The following BMP6 variants were observed in gnomAD, a reference collection of about 807,000 sequenced individuals.
BMP6 encodes bone morphogenetic protein 6.
In BMP6, 17 loss-of-function variants were observed where a neutral mutation model predicts 54.1. The ratio of observed to expected loss-of-function variants is 0.31; its 90% CI spans 0.22 to 0.47. BMP6 has a LOEUF of 0.47. Among genes scored for constraint, BMP6 ranks in the 20% least tolerant of loss-of-function variants. BMP6 has a pLI of 1.00. For missense variants in BMP6, 720 were observed against 690.4 expected (o/e 1.04, Z -0.48); for synonymous variants, 328 against 291.2 (o/e 1.13, Z -1.28).
At chr6:7,874,365 G>A (rs56170617) in intron 4 of BMP6, among the ~76,000 whole-genome samples, 11,935 of 152,218 alleles carry the variant, frequency 0.078, 629 homozygotes, top group East Asian at 0.12. Flanking sequence ...CTTCCTCAGG[G>A]CCTTCACATT....
Position 7,880,092 on chromosome 6 carries a change from G to T in BMP6, c.1383G>T (p.Val461=), listed in dbSNP as rs142355450. 1.9e-6 allele frequency: 3 copies of T among 1,614,060 alleles called. No individual in the cohort carries two copies. In the African/African-American group the frequency reaches 4.0e-5, roughly 22 times the overall value. The part of the protein sequence containing the change: ...AHMNATNHAI[V]QTLVHLMNPE... ...TGAATGCAACCAACCACGCGATTGT[G>T]CAGACCTTGGTGAGCTCTCGGAGAC... The change falls in exon 6 of 7, where the codon GTG becomes GTT. Residue 461 remains valine (V), a synonymous_variant. Coordinates refer to ENST00000283147, the MANE Select transcript of BMP6 (RefSeq NM_001718.6).
At chr6:7,755,821 G>A (rs1757506936) in intron 1 of BMP6, among the ~76,000 whole-genome samples, 2 of 152,062 alleles carry the variant, frequency 1.3e-5, no homozygotes, top group Non-Finnish European at 2.9e-5. Flanking sequence ...TATAATTTGA[G>A]ATTGACAGTA....
chr6:7,788,517 G>T (rs1758050053), intron 1 of BMP6, among the ~76,000 whole-genome samples: 1 of 152,078 alleles, frequency 6.6e-6, no homozygotes, highest in Non-Finnish European at 1.5e-5. Context: ...GAGAACTAAA[G>T]AATTTTAAAA....
intron 4 of BMP6, among the ~76,000 whole-genome samples, chr6:7,865,643 C>T (rs1422880818): frequency 6.6e-6 from 1 of 152,114 alleles, no homozygotes; most frequent in African/African-American, 2.4e-5. Context: ...CTCTGTGAGG[C>T]CAGATGTTGC....
At chr6:7,741,068 C>T (rs1171949223) in intron 1 of BMP6, among the ~76,000 whole-genome samples, 1 of 152,128 alleles carries the variant, frequency 6.6e-6, no homozygotes, top group Non-Finnish European at 1.5e-5. Context: ...TGTTATCCAG[C>T]CAGCACACTC....
intron 1 of BMP6, among the ~76,000 whole-genome samples, chr6:7,755,658 A>G (rs1757503537): frequency 6.6e-6 from 1 of 151,954 alleles, no homozygotes. Context: ...TTGTAGATCA[A>G]CATTTTTTTT....
At position 7,747,640 on chromosome 6, in the gene BMP6, C is replaced by A. The variant is rs55942300; in HGVS notation, c.664+20021C>A. ...CACCTGGTTTTCAGCACAGGGAGAC[C>A]CCTGTTGGACATTTTTTTCTTTTTC... On this transcript the variant is annotated intron_variant, in intron 1 of 6. Coordinates refer to ENST00000283147, the MANE Select transcript of BMP6 (RefSeq NM_001718.6). Among the ~76,000 whole-genome samples, 1,109 of 152,170 alleles carry A rather than the reference C, an allele frequency of 7.3e-3. 23 individuals carry two copies. Among genetic ancestry groups the A allele is most frequent in the African/African-American group, 0.026 (1,070 of 41,520 alleles).
intron 1 of BMP6, among the ~76,000 whole-genome samples, chr6:7,804,900 TTCTTA>T (rs952011622): frequency 5.9e-5 from 9 of 152,272 alleles, no homozygotes; most frequent in African/African-American, 1.4e-4. Context: ...ATTTTTTTTT[TTCTTA>T]GTGTATTAAA....
At chr6:7,743,694 C>G (rs1397602229) in intron 1 of BMP6, among the ~76,000 whole-genome samples, 1 of 152,196 alleles carries the variant, frequency 6.6e-6, no homozygotes, top group Non-Finnish European at 1.5e-5. Context: ...CCTAGCATCA[C>G]TAACCCCAGA....
chr6:7,881,087 T>G lies in BMP6; in HGVS notation c.*744T>G, dbSNP rs1194139830. The G allele has an allele frequency of 6.6e-6, 1 of 152,292 alleles. No individual in the cohort carries two copies. The highest frequency in any genetic ancestry group is 1.5e-5 in the Non-Finnish European group (1 of 68,106). 9.4% of individuals were successfully genotyped at this position (152,292 alleles called of 1,614,324 possible). A position where few individuals can be genotyped will look rare whatever the true frequency, so the allele number is the denominator to read the frequency against. On this transcript the variant is annotated 3_prime_UTR_variant, in exon 7 of 7. Transcript: ENST00000283147. ...GTAACACGTGAAGGCAATGCTCACC[T>G]CTTCTTTACCAGAACGGTTCTTTGA...
intron 1 of BMP6, among the ~76,000 whole-genome samples, chr6:7,765,417 A>G (rs971498422): frequency 1.3e-5 from 2 of 152,246 alleles, no homozygotes; most frequent in African/African-American, 4.8e-5. Context: ...CCTCAAAAAC[A>G]AAACAATACA....
intron 1 of BMP6, among the ~76,000 whole-genome samples, chr6:7,755,660 A>AT (rs1040225558): frequency 2.0e-4 from 30 of 151,124 alleles, no homozygotes; most frequent in African/African-American, 4.6e-4. Context: ...GTAGATCAAC[A>AT]TTTTTTTTTA....
intron 1 of BMP6, among the ~76,000 whole-genome samples, chr6:7,784,604 T>A (rs1428112517): frequency 6.6e-6 from 1 of 152,218 alleles, no homozygotes; most frequent in East Asian, 1.9e-4. Flanking sequence ...TAAAAAAAAA[T>A]TAACACATTT....
rs542030227 is a variant in BMP6, at chr6:7,743,036, A to G, written c.664+15417A>G. Among the ~76,000 whole-genome samples, 9 of 152,336 alleles carry G rather than the reference A, an allele frequency of 5.9e-5. No individual in the cohort carries two copies. In the South Asian group the frequency reaches 1.9e-3, roughly 32 times the overall value. On this transcript the variant is annotated intron_variant, in intron 1 of 6. Transcript: ENST00000283147. ...AAGGGAGAGAGAGAGATGGCTTGAC[A>G]TAGACCACAGAAGTAGCAAATATCT...
chr6:7,852,359 G>T (rs1759156973), intron 2 of BMP6, among the ~76,000 whole-genome samples: 1 of 152,176 alleles, frequency 6.6e-6, no homozygotes, highest in African/African-American at 2.4e-5. Context: ...GATTGCCTGA[G>T]CCTAGGAGTT....
rs34121626 is a variant in BMP6, at chr6:7,836,210, TA to T, written c.665-8921del. ...AATGGTTTTAACATGATTTTTTTTT[TA>T]AAAAAAAATGACTATTAACCCTTTG... is the stretch of plus-strand genomic sequence containing the variant. On this transcript the variant is annotated intron_variant, in intron 1 of 6. Transcript: ENST00000283147. 6.6e-3 allele frequency among the ~76,000 whole-genome samples: 1,004 copies of T among 151,170 alleles called. 25 individuals are homozygous for T. Among genetic ancestry groups the T allele is most frequent in the African/African-American group, 0.023 (931 of 41,172 alleles).
Position 7,726,184 on chromosome 6 carries a change from G to C in BMP6, c.-772G>C, listed in dbSNP as rs1199667404. 6.6e-6 allele frequency among the ~76,000 whole-genome samples: 1 copy of C among 152,140 alleles called. No individual in the cohort carries two copies. The highest frequency in any genetic ancestry group is 1.5e-5 in the Non-Finnish European group (1 of 68,016). ...GGCGCCGCCGCCGCGGCCGCTGCTC[G>C]GTGCACTAGCCCCCTTCCTTCCCAT... On this transcript the variant is annotated 5_prime_UTR_variant, in exon 1 of 7. Transcript: ENST00000283147.
chr6:7,818,043 C>CT (rs1321247605), intron 1 of BMP6, among the ~76,000 whole-genome samples: 2 of 152,160 alleles, frequency 1.3e-5, no homozygotes, highest in Non-Finnish European at 2.9e-5. Flanking sequence ...TACTTGAAAA[C>CT]TTTTAAAAAG....
chr6:7,799,005 C>T (rs1758232284), intron 1 of BMP6, among the ~76,000 whole-genome samples: 1 of 152,240 alleles, frequency 6.6e-6, no homozygotes, highest in Non-Finnish European at 1.5e-5. Flanking sequence ...ACCTCACTCA[C>T]TTTCTCTCAC....
Sources: allele counts gnomAD v4.1 joint callset (sites outside exome capture counted in the v4.1 genomes callset), GRCh38; gene constraint gnomAD v4.1.1; transcripts MANE v1.5; gene names NCBI Gene and HGNC (gene_info 2026-07-23, HGNC 2026-07-21).